PCDHGA3: variants seen among roughly 807,000 people sequenced by gnomAD.
PCDHGA3 encodes protocadherin gamma-A3.
PCDHGA3 carries 40 observed loss-of-function variants against 58.5 expected under a neutral mutation model. The ratio of observed to expected loss-of-function variants is 0.68; its 90% confidence interval spans 0.53 to 0.89. The LOEUF is 0.89. Ranked by LOEUF, PCDHGA3 falls within the 40% of genes least tolerant of loss-of-function variation. The pLI, the probability that PCDHGA3 is intolerant of heterozygous loss-of-function variation, is 0.00. For missense variants in PCDHGA3, 1,223 were observed against 1,195.9 expected (o/e 1.02, Z -0.33); for synonymous variants, 530 against 525.7 (o/e 1.01, Z -0.11).
chr5:141,361,392 T>A, intron 1 of PCDHGA3: 1 of 1,613,882 alleles, frequency 6.2e-7, no homozygotes, highest in South Asian at 1.1e-5. Flanking sequence ...CAGAATACAA[T>A]CTCACCATCA....
chr5:141,408,339 T>C lies in PCDHGA3; in HGVS notation c.2424+61882T>C, dbSNP rs768142301. 1.7e-5 allele frequency: 27 copies of C among 1,613,672 alleles called. No homozygotes were observed. In the Middle Eastern group the frequency reaches 9.9e-4, roughly 59 times the overall value. ...CCGGAGGAGCTGGCCAAGGGCTCGGTGGTGGGGAACCTCGCTAAGGATCTA... is the reference window on the plus strand; with the variant it reads ...CCGGAGGAGCTGGCCAAGGGCTCGGCGGTGGGGAACCTCGCTAAGGATCTA... On this transcript the variant is annotated intron_variant, in intron 1 of 3. Coordinates refer to ENST00000253812, the MANE Select transcript of PCDHGA3 (RefSeq NM_018916.4).
chr5:141,432,126 C>T lies in PCDHGA3; in HGVS notation c.2425-62681C>T. ...AACCCGCCGGTCTTCCCTCAGGCCTCCTATTCCGCTTATATCCCAGAGAAC... is the reference window on the plus strand; with the variant it reads ...AACCCGCCGGTCTTCCCTCAGGCCTTCTATTCCGCTTATATCCCAGAGAAC... On this transcript the variant is annotated intron_variant, in intron 1 of 3. Coordinates refer to ENST00000253812, the MANE Select transcript of PCDHGA3 (RefSeq NM_018916.4). This position sits in a 1 kb window ranked among gnomAD's most constrained non-coding sequence, Gnocchi z 6.0. The T allele has an allele frequency of 1.2e-6, 2 of 1,614,144 alleles. No homozygotes were observed. Among genetic ancestry groups the T allele is most frequent in the Non-Finnish European group, 1.7e-6 (2 of 1,180,028 alleles).
At chr5:141,384,606 A>AGATGGT in intron 1 of PCDHGA3, 1 of 1,614,152 alleles carries the variant, frequency 6.2e-7, no homozygotes, top group Non-Finnish European at 8.5e-7. Context: ...CCCTCCCCAC[A>AGATGGT]GATGGTTCTA....
intron 1 of PCDHGA3, chr5:141,415,740 G>GTTTTTTTT (rs57426385): frequency 1.3e-4 from 79 of 625,006 alleles, no homozygotes; most frequent in African/African-American, 1.8e-4. Flanking sequence ...GTTTATTAAG[G>GTTTTTTTT]TTTTTTTTTT....
chr5:141,350,796 C>A (rs780182840), intron 1 of PCDHGA3: 4 of 1,613,966 alleles, frequency 2.5e-6, no homozygotes, highest in East Asian at 4.5e-5. Context: ...TCTCTGTCAA[C>A]GAAGGAAAGT....
intron 1 of PCDHGA3, chr5:141,422,273 C>T: frequency 6.4e-7 from 1 of 1,560,808 alleles, no homozygotes; most frequent in Non-Finnish European, 8.6e-7. Flanking sequence ...CCAGAAATAA[C>T]TATCACCTCT....
rs761731200 is a variant in PCDHGA3, at chr5:141,477,252, T to C, written c.2425-17555T>C. The C allele has an allele frequency of 1.2e-6, 2 of 1,614,182 alleles. No homozygotes were observed. The highest frequency in any genetic ancestry group is 8.5e-7 in the Non-Finnish European group (1 of 1,180,034). ...ATCGCTTTGCTCAGTGTGACTGACCTGGATGCTGGCGAGAACGGGCTGGTG... is the reference window on the plus strand; with the variant it reads ...ATCGCTTTGCTCAGTGTGACTGACCCGGATGCTGGCGAGAACGGGCTGGTG... On this transcript the variant is annotated intron_variant, in intron 1 of 3. Transcript: ENST00000253812. The surrounding 1 kb of genome is among the most constrained non-coding windows in gnomAD (Gnocchi z 4.9).
chr5:141,394,488 G>C lies in PCDHGA3; in HGVS notation c.2424+48031G>C, dbSNP rs753312224. 7.4e-6 allele frequency: 12 copies of C among 1,614,196 alleles called. No homozygotes were observed. In the South Asian group the frequency reaches 1.1e-4, roughly 15 times the overall value. ...GTTCGTGCTGGACCAGAATGACAAC[G>C]CGCCCGAGATCCTGTACCCCGCCCT... is the stretch of plus-strand genomic sequence containing the variant. On this transcript the variant is annotated intron_variant, in intron 1 of 3. Transcript: ENST00000253812.
chr5:141,494,762 A>G (rs770570158), intron 1 of PCDHGA3, 45 bp from the exon 2 acceptor site: 1 of 1,613,200 alleles, frequency 6.2e-7, no homozygotes, highest in South Asian at 1.1e-5. Flanking sequence ...TGACATTCTA[A>G]CTTCTCACGG....
At chr5:141,416,004 A>G (rs1225801773) in intron 1 of PCDHGA3, 2 of 254,264 alleles carry the variant, frequency 7.9e-6, no homozygotes, top group Non-Finnish European at 1.4e-5. Flanking sequence ...CAGGTCTGGT[A>G]AGAATAGGTA....
chr5:141,348,136 CAT>C (rs1251540937), intron 1 of PCDHGA3, among the ~76,000 whole-genome samples: 2 of 152,178 alleles, frequency 1.3e-5, no homozygotes, highest in Non-Finnish European at 1.5e-5. Context: ...CTCATGAAAT[CAT>C]ATGAGAGTTA....
chr5:141,361,809 T>C (rs755899945), intron 1 of PCDHGA3: 1 of 1,612,970 alleles, frequency 6.2e-7, no homozygotes, highest in African/African-American at 1.3e-5. Context: ...TCAATGACAA[T>C]GCGCCACGGG....
intron 1 of PCDHGA3, chr5:141,383,335 A>C (rs768493481): frequency 2.6e-5 from 42 of 1,613,892 alleles, no homozygotes; most frequent in Non-Finnish European, 3.4e-5. Flanking sequence ...AATGGAGAAT[A>C]CAGCTCCTGG....
At chr5:141,478,133 G>T (rs769287158) in intron 1 of PCDHGA3, 1 of 1,614,060 alleles carries the variant, frequency 6.2e-7, no homozygotes, top group Non-Finnish European at 8.5e-7. Flanking sequence ...CTCTCCTGAA[G>T]CCCGAGCCGA....
In PCDHGA3 at chr5:141,477,524, A is replaced by G. The variant is rs1302186932; in HGVS notation, c.2425-17283A>G. The stretch of plus-strand genomic sequence containing the variant: ...CTACGACGTTTACATTGAAGAAAAC[A>G]ACCTCCCCGGGGCTCCAATACTAAA... On this transcript the variant is annotated intron_variant, in intron 1 of 3. Coordinates refer to ENST00000253812, the MANE Select transcript of PCDHGA3 (RefSeq NM_018916.4). The surrounding 1 kb of genome is among the most constrained non-coding windows in gnomAD (Gnocchi z 4.9). The G allele has an allele frequency of 1.2e-6, 2 of 1,614,122 alleles. No individual in the cohort carries two copies. Among genetic ancestry groups the G allele is most frequent in the Non-Finnish European group, 1.7e-6 (2 of 1,180,022 alleles).
At chr5:141,499,828 A>G (rs921957227) in intron 2 of PCDHGA3, among the ~76,000 whole-genome samples, 1 of 151,834 alleles carries the variant, frequency 6.6e-6, no homozygotes, top group Non-Finnish European at 1.5e-5. Context: ...CTAGGATTAC[A>G]GGTGTGCACC....
Position 141,486,000 on chromosome 5 carries a change from A to G in PCDHGA3, c.2425-8807A>G. 1 of 1,614,194 alleles carries G rather than the reference A, an allele frequency of 6.2e-7. No individual in the cohort carries two copies. Among genetic ancestry groups the G allele is most frequent in the Non-Finnish European group, 8.5e-7 (1 of 1,180,034 alleles). On this transcript the variant is annotated intron_variant, in intron 1 of 3. Transcript: ENST00000253812. The surrounding 1 kb of genome is among the most constrained non-coding windows in gnomAD (Gnocchi z 5.7). ...GACCCGGACCTGGGTCCCAGTGGTA[A>G]CGTCACCTTTTATTTCAGTGGTCAT...
At chr5:141,368,486 A>G (rs1329429156) in intron 1 of PCDHGA3, among the ~76,000 whole-genome samples, 1 of 152,214 alleles carries the variant, frequency 6.6e-6, no homozygotes, top group African/African-American at 2.4e-5. Context: ...TAACAAGAGA[A>G]TCTATACAGT....
At chr5:141,385,182 G>C (rs374159387) in intron 1 of PCDHGA3, 1 of 1,614,138 alleles carries the variant, frequency 6.2e-7, no homozygotes, top group African/African-American at 1.3e-5. Context: ...CCCTCACCGC[G>C]GACTCTCGGA....
Sources: allele counts gnomAD v4.1 joint callset (sites outside exome capture counted in the v4.1 genomes callset), GRCh38; gene constraint gnomAD v4.1.1; non-coding constraint Gnocchi (gnomAD v3.1); transcripts MANE v1.5; gene names NCBI Gene and HGNC (gene_info 2026-07-23, HGNC 2026-07-21).